Variants in PREP observed in about 807,000 individuals in gnomAD.
The protein encoded by PREP is prolyl endopeptidase.
Under a neutral mutation model 87.6 loss-of-function variants are expected in PREP, and 29 were observed. That is an observed-to-expected ratio of 0.33 (90% CI 0.25 to 0.45). PREP has a LOEUF of 0.45. Ranked by LOEUF, PREP falls within the 20% of genes least tolerant of loss-of-function variation. PREP has a pLI of 1.00. For synonymous variants in PREP, 337 were observed against 328.6 expected (o/e 1.03, Z -0.28); for missense variants, 695 against 886.5 (o/e 0.78, Z 2.74).
In PREP at chr6:105,340,183, A is replaced by C. The variant is rs574070902; in HGVS notation, c.824-6678T>G. Among the ~76,000 whole-genome samples the C allele has an allele frequency of 2.6e-5, 4 of 152,320 alleles. No individual in the cohort carries two copies. The South Asian group carries it at 8.3e-4, about 32-fold the overall frequency. On this transcript the variant is annotated intron_variant, in intron 7 of 14. Coordinates refer to ENST00000652536, the MANE Select transcript of PREP (RefSeq NM_002726.5). The stretch of plus-strand genomic sequence containing the variant: ...CACAAAGGGAAGCCCATCAGACTAA[A>C]AGCAGATCTCTCGGCAGAAACTCTA...
At chr6:105,288,627 G>A (rs9784893) in intron 11 of PREP, 131 bp downstream of exon 11, 104,420 of 1,209,944 alleles carry the variant, frequency 0.086, 4,993 homozygotes, top group African/African-American at 0.14. Context: ...AAGGTGCTGG[G>A]ATTATAGGTG....
At chr6:105,305,854 T>TG (rs200779354) in intron 10 of PREP, among the ~76,000 whole-genome samples, 7,832 of 150,816 alleles carry the variant, frequency 0.052, 540 homozygotes, top group African/African-American at 0.16. Flanking sequence ...CTTTTTTTTT[T>TG]GGGGGGGACA....
chr6:105,341,407 C>T (rs567441079), intron 7 of PREP, among the ~76,000 whole-genome samples: 76 of 152,198 alleles, frequency 5.0e-4, no homozygotes, highest in African/African-American at 1.7e-3. Context: ...GGGAAATGTA[C>T]AGCACTAAAT....
At chr6:105,310,145 A>C (rs1398014308) in intron 10 of PREP, among the ~76,000 whole-genome samples, 1 of 152,254 alleles carries the variant, frequency 6.6e-6, no homozygotes, top group East Asian at 1.9e-4. Flanking sequence ...GAGAGTGGGA[A>C]GATGTAAACC....
At position 105,369,007 on chromosome 6, in the gene PREP, T is replaced by G. The variant is rs1248463288; in HGVS notation, c.613A>C (p.Asn205His). Reference sequence around the variant, plus strand: ...TGGTAGTAGAGCTTTTGGTGGAGATTGGTAGATGTCTCTGTGCCTGAAGGA... The same window carrying G: ...TGGTAGTAGAGCTTTTGGTGGAGATGGGTAGATGTCTCTGTGCCTGAAGGA... ...GKSDGTETST[N>H]LHQKLYYHVL... The change falls in exon 6 of 15, where the codon AAT (asparagine) becomes CAT (histidine). Residue 205 changes from asparagine (N) to histidine (H), a missense_variant. Asn to His is a moderately conservative substitution (Grantham distance 68, BLOSUM62 1). Coordinates refer to ENST00000652536, the MANE Select transcript of PREP (RefSeq NM_002726.5). 6.2e-7 allele frequency: 1 copy of G among 1,613,978 alleles called. No individual in the cohort carries two copies. Among genetic ancestry groups the G allele is most frequent in the South Asian group, 1.1e-5 (1 of 91,068 alleles).
intron 10 of PREP, among the ~76,000 whole-genome samples, chr6:105,297,525 T>C (rs951127744): frequency 3.9e-5 from 6 of 152,196 alleles, no homozygotes; most frequent in African/African-American, 1.4e-4. Flanking sequence ...TTTTCCTTTT[T>C]CCCATACTGT....
At chr6:105,376,650 T>G (rs1772694969) in intron 3 of PREP, among the ~76,000 whole-genome samples, 1 of 152,246 alleles carries the variant, frequency 6.6e-6, no homozygotes, top group Admixed American at 6.5e-5. Flanking sequence ...GGAAGGTCAG[T>G]ACACTTTCTC....
intron 7 of PREP, among the ~76,000 whole-genome samples, chr6:105,342,849 A>G (rs1771694656): frequency 6.6e-6 from 1 of 152,250 alleles, no homozygotes; most frequent in African/African-American, 2.4e-5. Context: ...TTCAAGAACT[A>G]CAAACCACTG....
intron 2 of PREP, among the ~76,000 whole-genome samples, chr6:105,389,433 GCAA>G (rs1233453834): frequency 6.6e-6 from 1 of 152,174 alleles, no homozygotes; most frequent in Non-Finnish European, 1.5e-5. Context: ...TGCAACAGAA[GCAA>G]CATCGGAAAT....
At chr6:105,363,063 A>G (rs534006187) in intron 6 of PREP, among the ~76,000 whole-genome samples, 25 of 152,288 alleles carry the variant, frequency 1.6e-4, no homozygotes, top group African/African-American at 5.5e-4. Context: ...TGTGTAATAC[A>G]TATGTTTTTA....
At chr6:105,309,076 T>TGC in intron 10 of PREP, among the ~76,000 whole-genome samples, 1 of 152,044 alleles carries the variant, frequency 6.6e-6, no homozygotes, top group South Asian at 2.1e-4. Context: ...CCAGAGCGGC[T>TGC]GCAGCAGGCG....
Position 105,333,443 on chromosome 6 carries a change from C to T in PREP, c.886G>A (p.Glu296Lys). 6.2e-7 allele frequency: 1 copy of T among 1,614,218 alleles called. No individual in the cohort carries two copies. Among genetic ancestry groups the T allele is most frequent in the Non-Finnish European group, 8.5e-7 (1 of 1,180,040 alleles). Residue 296 changes from glutamate (E) to lysine (K), a missense_variant, in exon 8 of 15, where the codon GAG (glutamate) becomes AAG (lysine). Glu to Lys is a moderately conservative substitution (Grantham distance 56, BLOSUM62 1). Around this residue, in one of 5 missense-constraint regions of PREP, gnomAD observed 517 missense variants for 620.3 expected, o/e 0.83. Coordinates refer to ENST00000652536, the MANE Select transcript of PREP (RefSeq NM_002726.5). ...FEGEYDYVTN[E>K]GTVFTFKTNR... Reference sequence around the variant, plus strand: ...GTCTTGAATGTGAACACCGTCCCCTCATTGGTCACGTAGTCATATTCCCCT... The same window carrying T: ...GTCTTGAATGTGAACACCGTCCCCTTATTGGTCACGTAGTCATATTCCCCT...
chr6:105,310,574 C>G (rs182671570), intron 10 of PREP, among the ~76,000 whole-genome samples: 1 of 152,304 alleles, frequency 6.6e-6, no homozygotes, highest in East Asian at 1.9e-4. Flanking sequence ...GGACTTCCTG[C>G]TCTGCCTGGT....
chr6:105,291,945 A>G (rs902359803), intron 10 of PREP, among the ~76,000 whole-genome samples: 19 of 152,334 alleles, frequency 1.2e-4, no homozygotes, highest in Non-Finnish European at 1.2e-4. Flanking sequence ...ACTCCTAAAA[A>G]GCAACTCCTT....
chr6:105,277,212 A>C lies in PREP; in HGVS notation c.*932T>G, dbSNP rs376731761. 7.8e-4 allele frequency among the ~76,000 whole-genome samples: 114 copies of C among 145,662 alleles called. No homozygotes were observed. The highest frequency in any genetic ancestry group is 2.7e-3 in the African/African-American group (99 of 36,972). On this transcript the variant is annotated 3_prime_UTR_variant, in exon 15 of 15. Transcript: ENST00000652536. ...AAGTATGACTATTTCTATTTCCAGG[A>C]GTGATCTATGCAGGAGAAACAGCTT...
At chr6:105,380,135 G>C (rs535065011) in intron 2 of PREP, among the ~76,000 whole-genome samples, 19 of 152,318 alleles carry the variant, frequency 1.2e-4, no homozygotes, top group African/African-American at 4.3e-4. Flanking sequence ...AAATCACTGG[G>C]AAAGAGGGCA....
intron 6 of PREP, among the ~76,000 whole-genome samples, chr6:105,355,403 C>T (rs138591413): frequency 2.3e-3 from 343 of 152,244 alleles, no homozygotes; most frequent in African/African-American, 8.0e-3. Flanking sequence ...TCAAGGTAAA[C>T]CCCATTAAGA....
chr6:105,373,023 C>T (rs922321603), intron 5 of PREP, among the ~76,000 whole-genome samples: 4 of 152,192 alleles, frequency 2.6e-5, no homozygotes, highest in Non-Finnish European at 4.4e-5. Flanking sequence ...CAAGCCCAGG[C>T]TAGTCTGCTA....
chr6:105,388,180 C>T (rs919582817), intron 2 of PREP, among the ~76,000 whole-genome samples: 1 of 132,846 alleles, frequency 7.5e-6, no homozygotes, highest in Non-Finnish European at 1.5e-5. Context: ...CAAATCTCTT[C>T]TCTTAACTGC....
Sources: allele counts gnomAD v4.1 joint callset (sites outside exome capture counted in the v4.1 genomes callset), GRCh38; gene constraint gnomAD v4.1.1; regional missense constraint gnomAD v4.1.1; transcripts MANE v1.5; gene names NCBI Gene and HGNC (gene_info 2026-07-23, HGNC 2026-07-21).